The following TMEM18 variants were observed in gnomAD, a reference collection of about 807,000 sequenced individuals.
TMEM18 encodes transmembrane protein 18.
In TMEM18, 14 loss-of-function variants were observed where a neutral mutation model predicts 17.4. That is an observed-to-expected ratio of 0.80 (90% CI 0.53 to 1.25). TMEM18 has a LOEUF of 1.25. TMEM18 is among the 50% of genes most tolerant of loss of function. The probability of loss-of-function intolerance (pLI) is 0.00; values close to 1 mark genes in which losing one functional copy is unlikely to be tolerated. For synonymous variants in TMEM18, 86 were observed against 66.1 expected, an observed-to-expected ratio of 1.30 and a Z score of -1.46; for missense variants, 187 against 172.1, an observed-to-expected ratio of 1.09 and a Z score of -0.48.
chr2:674,391 G>A (rs1368011037), intron 2 of TMEM18, among the ~76,000 whole-genome samples: 2 of 152,142 alleles, frequency 1.3e-5, no homozygotes, highest in African/African-American at 2.4e-5. Flanking sequence ...TTGCCCCTGG[G>A]TTCCCAGGGG....
At chr2:675,884 GCA>G in intron 1 of TMEM18, 1 of 1,481,406 alleles carries the variant, frequency 6.8e-7, no homozygotes, top group Non-Finnish European at 9.0e-7. Flanking sequence ...CAAAGTTCAA[GCA>G]CACAGAACTG....
Position 677,299 on chromosome 2 carries a change from G to T in TMEM18, c.47C>A (p.Ala16Asp), listed in dbSNP as rs1659288148. ...SVSSFPVSIPAVLTQTDWTEP... is the reference protein window; with the variant it reads ...SVSSFPVSIPDVLTQTDWTEP... ...CGGGCCGCGAGTTACCGTGAGCACG[G>T]CTGGGATGCTGACGGGGAAAGAGCT... Residue 16 changes from alanine to aspartate, a missense_variant, in exon 1 of 5, where the codon GCC (alanine) becomes GAC (aspartate). Ala to Asp is a moderately radical substitution (Grantham distance 126). Coordinates refer to ENST00000281017, the MANE Select transcript of TMEM18 (RefSeq NM_152834.4). 6.2e-7 allele frequency: 1 copy of T among 1,611,784 alleles called. No individual in the cohort carries two copies. Among genetic ancestry groups the T allele is most frequent in the Non-Finnish European group, 8.5e-7 (1 of 1,179,706 alleles).
intron 1 of TMEM18, 91 bp from the exon 2 acceptor site, chr2:675,721 G>A (rs769374990): frequency 7.7e-6 from 12 of 1,556,372 alleles, no homozygotes; most frequent in South Asian, 1.2e-5. Flanking sequence ...GCAGGAGGCA[G>A]GGGCCTCTCA....
intron 3 of TMEM18, 58 bp downstream of exon 3, chr2:672,750 G>A: frequency 3.6e-6 from 5 of 1,383,748 alleles, no homozygotes; most frequent in Middle Eastern, 2.0e-4. Flanking sequence ...CCGGCTGTGG[G>A]GCCATTCCCA....
Position 664,606 on chromosome 2 carries a change from TTC to T in TMEM18, c.*4972_*4973del, listed in dbSNP as rs1325904830. On this transcript the variant is annotated 3_prime_UTR_variant, in exon 5 of 5. Coordinates refer to ENST00000281017, the MANE Select transcript of TMEM18 (RefSeq NM_152834.4). Reference sequence around the variant, plus strand: ...ACTTTCACCTATTACTCAGAAAAGTTTCTTTTTTTACGTTGCTACTTAGTGCA... The same window carrying T: ...ACTTTCACCTATTACTCAGAAAAGTTTTTTTTTACGTTGCTACTTAGTGCA... Among the ~76,000 whole-genome samples, 8 of 152,240 alleles carry T rather than the reference TTC, an allele frequency of 5.3e-5. No individual in the cohort carries two copies. The highest frequency in any genetic ancestry group is 1.0e-4 in the Non-Finnish European group (7 of 68,044).
intron 2 of TMEM18, among the ~76,000 whole-genome samples, chr2:673,700 G>C (rs1173895044): frequency 7.0e-6 from 1 of 142,970 alleles, no homozygotes; most frequent in East Asian, 2.2e-4. Flanking sequence ...CAGAGGAAAA[G>C]AATGCACAGG....
At chr2:672,032 C>T (rs1395536204) in intron 3 of TMEM18, among the ~76,000 whole-genome samples, 1 of 152,008 alleles carries the variant, frequency 6.6e-6, no homozygotes, top group Admixed American at 6.6e-5. Context: ...GGAAACCAGG[C>T]GGGGTCTAAG....
At chr2:673,698 A>ATTT (rs1324005983) in intron 2 of TMEM18, among the ~76,000 whole-genome samples, 1 of 145,786 alleles carries the variant, frequency 6.9e-6, no homozygotes, top group African/African-American at 2.5e-5. Flanking sequence ...AGCAGAGGAA[A>ATTT]AGAATGCACA....
intron 1 of TMEM18, chr2:676,351 C>A (rs1188852197): frequency 2.4e-5 from 35 of 1,448,482 alleles, no homozygotes; most frequent in Non-Finnish European, 3.1e-5. Flanking sequence ...CCCTCCCCAT[C>A]CCCTCCTTGA....
rs1271896770 is a variant in TMEM18, at chr2:669,743, T to C, written c.327+14A>G. 1 of 1,614,018 alleles carries C rather than the reference T, an allele frequency of 6.2e-7. No homozygotes were observed. The highest frequency in any genetic ancestry group is 8.5e-7 in the Non-Finnish European group (1 of 1,179,884). On this transcript the variant is annotated intron_variant, in intron 4 of 4. Transcript: ENST00000281017. ...ACACATGAAGAAAGACAACTGAAAG[T>C]GTCATCTACGTACCACAATGATCAT...
At chr2:677,147 C>G in intron 1 of TMEM18, 142 bp downstream of exon 1, 13 of 1,094,880 alleles carry the variant, frequency 1.2e-5, no homozygotes, top group African/African-American at 1.6e-5. Context: ...GTCTCAGGAC[C>G]CTGCCCAGCG....
rs540470626 is a variant in TMEM18, at chr2:665,872, G to A, written c.*3708C>T. Among the ~76,000 whole-genome samples, 15 of 152,294 alleles carry A rather than the reference G, an allele frequency of 9.8e-5. No homozygotes were observed. In the East Asian group the frequency reaches 2.9e-3, roughly 29 times the overall value. ...CAGATGCCCCACTCACTCAGATGGA[G>A]CATCAACCCCACACACAACAGGACT... On this transcript the variant is annotated 3_prime_UTR_variant, in exon 5 of 5. Transcript: ENST00000281017.
intron 3 of TMEM18, 130 bp downstream of exon 3, chr2:672,678 G>A: frequency 1.4e-6 from 1 of 720,560 alleles, no homozygotes; most frequent in Non-Finnish European, 2.1e-6. Flanking sequence ...AACCCTGGAT[G>A]CACGGGCACG....
chr2:668,207 T>G lies in TMEM18; in HGVS notation c.*1373A>C, dbSNP rs1678744490. 1 of 152,094 alleles carries G rather than the reference T, an allele frequency of 6.6e-6. No individual in the cohort carries two copies. Among genetic ancestry groups the G allele is most frequent in the South Asian group, 2.1e-4 (1 of 4,830 alleles). The allele number at this position is 152,094 out of a possible 1,614,324, so 9.4% of individuals were successfully genotyped here. On this transcript the variant is annotated 3_prime_UTR_variant, in exon 5 of 5. Coordinates refer to ENST00000281017, the MANE Select transcript of TMEM18 (RefSeq NM_152834.4). ...ACCCCCATGATCCCATCACCTCCCA[T>G]CAGGTCCCTCCCTTGACACATGGGG...
In TMEM18 at chr2:671,137, C is replaced by A. The variant is rs150714352; in HGVS notation, c.234-1287G>T. The stretch of plus-strand genomic sequence containing the variant: ...TGTGAATTTTGAGATGTTTGTTAGA[C>A]GTCCTGGTGCCCAGTCCAACAGGTG... On this transcript the variant is annotated intron_variant, in intron 3 of 4. Coordinates refer to ENST00000281017, the MANE Select transcript of TMEM18 (RefSeq NM_152834.4). Among the ~76,000 whole-genome samples the A allele has an allele frequency of 4.2e-3, 639 of 152,264 alleles. 3 individuals are homozygous for A. Among genetic ancestry groups the A allele is most frequent in the Admixed American group, 0.011 (172 of 15,300 alleles).
In TMEM18 at chr2:669,801, T is replaced by C. The variant is rs77005891; in HGVS notation, c.283A>G (p.Ile95Val). The change falls in exon 4 of 5, where the codon ATA (isoleucine) becomes GTA (valine). Residue 95 changes from isoleucine (I) to valine (V), a missense_variant. Physicochemically the swap from Ile to Val is conservative, Grantham distance 29. Coordinates refer to ENST00000281017, the MANE Select transcript of TMEM18 (RefSeq NM_152834.4). ...ACCAGCAGTGGGGCTGAAAATACTA[T>C]AGAAATGAACATCCCCCTGGAGTCG... ...YFDSRGMFIS[I>V]VFSAPLLVNA... 1.9e-3 allele frequency: 3,110 copies of C among 1,613,926 alleles called. 4 individuals are homozygous for C. Among genetic ancestry groups the C allele is most frequent in the Non-Finnish European group, 2.4e-3 (2,886 of 1,179,998 alleles).
Position 669,665 on chromosome 2 carries a change from A to G in TMEM18, c.338T>C (p.Val113Ala). 6.2e-7 allele frequency: 1 copy of G among 1,614,040 alleles called. No individual in the cohort carries two copies. Among genetic ancestry groups the G allele is most frequent in the Non-Finnish European group, 8.5e-7 (1 of 1,179,974 alleles). ...AGTCATCACATTCAAAGTCTTCCAT[A>G]CCCACATAACCTAAACACAATTGTT... ...VNAMIIVVMWVWKTLNVMTDL... is the reference protein window; with the variant it reads ...VNAMIIVVMWAWKTLNVMTDL... Residue 113 changes from valine to alanine, a missense_variant, in exon 5 of 5, where the codon GTA (valine) becomes GCA (alanine). Val to Ala is a moderately conservative substitution (Grantham distance 64, BLOSUM62 0). Coordinates refer to ENST00000281017, the MANE Select transcript of TMEM18 (RefSeq NM_152834.4).
At position 675,503 on chromosome 2, in the gene TMEM18, T is replaced by C; in HGVS notation, c.178+7A>G. The C allele has an allele frequency of 6.2e-7, 1 of 1,614,214 alleles. No individual in the cohort carries two copies. Among genetic ancestry groups the C allele is most frequent in the Non-Finnish European group, 8.5e-7 (1 of 1,180,026 alleles). On this transcript the variant is annotated splice_region_variant and intron_variant, in intron 2 of 4. Coordinates refer to ENST00000281017, the MANE Select transcript of TMEM18 (RefSeq NM_152834.4). Reference sequence around the variant, plus strand: ...CTGAGTTGTGGAGTTTGTGTTGTTTTACTCACCTAGACACAGAAAGTGCCC... The same window carrying C: ...CTGAGTTGTGGAGTTTGTGTTGTTTCACTCACCTAGACACAGAAAGTGCCC...
rs1258303640 is a variant in TMEM18 at position 677,383 on chromosome 2, C to G, written c.-38G>C. ...CCCGCTCTCACAGCAACCGCCGAAC[C>G]CGGCCTGGCCAGAATCCACAGAGGA... On this transcript the variant is annotated 5_prime_UTR_variant, in exon 1 of 5. Transcript: ENST00000281017. 1.6e-5 allele frequency: 26 copies of G among 1,604,340 alleles called. No individual in the cohort carries two copies. The highest frequency in any genetic ancestry group is 2.2e-5 in the Non-Finnish European group (26 of 1,176,932).
Sources: gnomAD v4.1 joint callset for allele counts (sites outside exome capture counted in the v4.1 genomes callset) on GRCh38, gnomAD v4.1.1 for gene constraint, MANE v1.5 for transcripts, NCBI Gene and HGNC (gene_info 2026-07-23, HGNC 2026-07-21) for gene names.